The following CT55 variants were observed in gnomAD, a reference collection of about 807,000 sequenced individuals.
The protein encoded by CT55 is cancer/testis antigen 55, also known as BRCA2-interacting protein.
Under a neutral mutation model 12.6 loss-of-function variants are expected in CT55, and 1 was observed. The ratio of observed to expected loss-of-function variants is 0.08; its 90% CI spans 0.03 to 0.38. CT55 has a LOEUF of 0.38. CT55 is among the 10% of genes least tolerant of loss of function. The probability of loss-of-function intolerance (pLI) is 0.99; values close to 1 mark genes in which losing one functional copy is unlikely to be tolerated. For synonymous variants in CT55, 43 were observed against 49.7 expected, an observed-to-expected ratio of 0.87 and a Z score of 0.57; for missense variants, 109 against 135.4, an observed-to-expected ratio of 0.80 and a Z score of 0.97.
Position 135,171,126 on chromosome X carries a change from C to T in CT55, c.46G>A (p.Ala16Thr). The T allele has an allele frequency of 8.3e-7, 1 of 1,211,441 alleles. No individual in the cohort carries two copies. The highest frequency in any genetic ancestry group is 1.1e-6 in the Non-Finnish European group (1 of 895,383). Reference protein sequence around the residue: ...RLALAFYGRTADPAERQGPQQ... With the variant: ...RLALAFYGRTTDPAERQGPQQ... The stretch of plus-strand genomic sequence containing the variant: ...GGGCCCTGTCGCTCTGCAGGGTCGG[C>T]CGTCCTCCCGTAGAAGGCCAAAGCA... The change falls in exon 1 of 6, where the codon GCC becomes ACC. Residue 16 changes from alanine to threonine, a missense_variant. Transcript: ENST00000276241.
chrX:135,164,364 G>T (rs1453645647), intron 2 of CT55, among the ~76,000 whole-genome samples: 1 of 111,739 alleles, frequency 8.9e-6, no homozygotes, highest in East Asian at 2.8e-4. Flanking sequence ...AAAATAATCT[G>T]CCGTGATTAT....
At position 135,166,802 on chromosome X, in the gene CT55, C is replaced by T. The variant is rs78163385; in HGVS notation, c.279+2792G>A. Reference sequence around the variant, plus strand: ...TACAAGAATCAGTAGTATCTCTATACACCAATAGGGAACTATCTGGAAAAG... The same window carrying T: ...TACAAGAATCAGTAGTATCTCTATATACCAATAGGGAACTATCTGGAAAAG... On this transcript the variant is annotated intron_variant, in intron 2 of 5. Coordinates refer to ENST00000276241, the MANE Select transcript of CT55 (RefSeq NM_001031705.3). 2.5e-3 allele frequency among the ~76,000 whole-genome samples: 284 copies of T among 111,435 alleles called. 4 individuals carry two copies. In the East Asian group the frequency reaches 0.075, roughly 30 times the overall value.
intron 2 of CT55, among the ~76,000 whole-genome samples, chrX:135,168,788 T>C (rs1436774410): frequency 2.7e-5 from 3 of 111,875 alleles, no homozygotes; most frequent in Admixed American, 9.5e-5. Flanking sequence ...AGGAAAAAGA[T>C]GGTATCAGAC....
chrX:135,159,855 CA>C (rs2083554903), intron 3 of CT55, among the ~76,000 whole-genome samples: 1 of 110,627 alleles, frequency 9.0e-6, no homozygotes, highest in African/African-American at 3.3e-5. Flanking sequence ...ACAAAACAGA[CA>C]AAAAAATATC....
Position 135,160,491 on chromosome X carries a change from A to G in CT55, c.344T>C (p.Ile115Thr), listed in dbSNP as rs781995580. 3.3e-6 allele frequency: 4 copies of G among 1,199,962 alleles called. No individual in the cohort carries two copies. The highest frequency in any genetic ancestry group is 1.8e-5 in the African/African-American group (1 of 56,650). ...GPSDSGTRVL[I>T]GCVTSINEDN... The stretch of plus-strand genomic sequence containing the variant: ...TTCATTTATAGAAGTAACACATCCA[A>G]TTAAAACTCTGGTTCCTGAGTCTGA... Residue 115 changes from isoleucine (I) to threonine (T), a missense_variant, in exon 3 of 6, where the codon ATT (isoleucine) becomes ACT (threonine). Ile to Thr is a moderately conservative substitution (Grantham distance 89). Transcript: ENST00000276241.
chrX:135,163,628 TA>T (rs782231851), intron 2 of CT55, among the ~76,000 whole-genome samples: 111 of 110,066 alleles, frequency 1.0e-3, no homozygotes, highest in African/African-American at 3.4e-3. Context: ...GAAAAAGAGG[TA>T]AAAAGATCAT....
At position 135,171,354 on chromosome X, in the gene CT55, C is replaced by T. The variant is rs1556406815; in HGVS notation, c.-183G>A. 2 of 888,498 alleles carry T rather than the reference C, an allele frequency of 2.3e-6. No homozygotes were observed. The highest frequency in any genetic ancestry group is 3.0e-5 in the South Asian group (1 of 32,900). The allele number at this position is 888,498 out of a possible 1,213,427, so 73.2% of individuals were successfully genotyped here. A position where few individuals can be genotyped will look rare whatever the true frequency, so the allele number is the denominator to read the frequency against. ...CCCCTCAGGAGAGTCAGGGACACCG[C>T]AGCCTCCAAAGGAGCTCCCAGCTTC... On this transcript the variant is annotated 5_prime_UTR_variant, in exon 1 of 6. Transcript: ENST00000276241.
At chrX:135,171,615 T>A, upstream of CT55, among the ~76,000 whole-genome samples, 1 of 111,519 alleles carries the variant, frequency 9.0e-6, no homozygotes, top group Non-Finnish European at 1.9e-5. Flanking sequence ...TTCTCTTGGG[T>A]TCCCTGGGAG....
intron 2 of CT55, among the ~76,000 whole-genome samples, chrX:135,163,958 A>G (rs1395848103): frequency 9.0e-6 from 1 of 111,725 alleles, no homozygotes; most frequent in Non-Finnish European, 1.9e-5. Context: ...TGTACCCAGC[A>G]GTGAAGGGGA....
In CT55 at chrX:135,169,691, C is replaced by T; in HGVS notation, c.182G>A (p.Ser61Asn). 1 of 1,206,437 alleles carries T rather than the reference C, an allele frequency of 8.3e-7. No homozygotes were observed. The highest frequency in any genetic ancestry group is 1.1e-6 in the Non-Finnish European group (1 of 891,426). ...AGGCACGTTGCCAGTCACAACATCA[C>T]TACTGAAGTAGATCGACTCATCAAT... Reference protein sequence around the residue: ...GMIDESIYFSSDVVTGNVPLK... With the variant: ...GMIDESIYFSNDVVTGNVPLK... Residue 61 changes from serine (S) to asparagine (N), a missense_variant, in exon 2 of 6, where the codon AGT becomes AAT. Physicochemically the swap from Ser to Asn is conservative, Grantham distance 46. Coordinates refer to ENST00000276241, the MANE Select transcript of CT55 (RefSeq NM_001031705.3).
chrX:135,158,176 G>A (rs782318284), intron 4 of CT55, 23 bp downstream of exon 4: 23 of 1,007,332 alleles, frequency 2.3e-5, no homozygotes, highest in Admixed American at 6.7e-5. Context: ...AACTGCTGAC[G>A]GGAGCAACAG....
intron 2 of CT55, among the ~76,000 whole-genome samples, chrX:135,162,812 A>G (rs782594086): frequency 9.0e-6 from 1 of 110,633 alleles, no homozygotes; most frequent in Non-Finnish European, 1.9e-5. Flanking sequence ...AGCAAAACAA[A>G]CTCAATATCT....
rs1569482377 is a variant in CT55, at chrX:135,171,109, T to A, written c.63A>T (p.Arg21=). ...GGAGGCCCTGCTGCTGTGGGCCCTG[T>A]CGCTCTGCAGGGTCGGCCGTCCTCC... is the stretch of plus-strand genomic sequence containing the variant. ...FYGRTADPAE[R]QGPQQQGLPQ... is the part of the protein sequence containing the mutation. The change falls in exon 1 of 6, where the codon CGA becomes CGT. Residue 21 remains arginine (R), a synonymous_variant. Coordinates refer to ENST00000276241, the MANE Select transcript of CT55 (RefSeq NM_001031705.3). 8.3e-7 allele frequency: 1 copy of A among 1,211,805 alleles called. No homozygotes were observed. Among genetic ancestry groups the A allele is most frequent in the East Asian group, 3.0e-5 (1 of 33,844 alleles).
intron 2 of CT55, among the ~76,000 whole-genome samples, chrX:135,167,616 T>C (rs1421771343): frequency 9.2e-6 from 1 of 108,968 alleles, no homozygotes; most frequent in African/African-American, 3.3e-5. Context: ...TACATTGAAC[T>C]AAAAAGCTTC....
intron 1 of CT55, among the ~76,000 whole-genome samples, chrX:135,170,073 C>G (rs2083604475): frequency 8.9e-6 from 1 of 111,802 alleles, no homozygotes; most frequent in Admixed American, 9.4e-5. Flanking sequence ...GTGGCGCAAT[C>G]TGGGCTAGCG....
chrX:135,165,933 C>T (rs2083582073), intron 2 of CT55, among the ~76,000 whole-genome samples: 1 of 103,994 alleles, frequency 9.6e-6, no homozygotes, highest in African/African-American at 3.5e-5. Flanking sequence ...AATAAAAAAT[C>T]CCCCATCAGT....
chrX:135,168,080 C>T (rs2083593740), intron 2 of CT55, among the ~76,000 whole-genome samples: 2 of 111,978 alleles, frequency 1.8e-5, no homozygotes, highest in Admixed American at 1.9e-4. Context: ...ATCCATGAAT[C>T]CCACTACTGA....
intron 1 of CT55, 106 bp from the exon 2 acceptor site, chrX:135,169,884 AT>A: frequency 2.2e-6 from 1 of 446,038 alleles, no homozygotes; most frequent in Non-Finnish European, 3.5e-6. Flanking sequence ...GAGAAGTTTT[AT>A]AACGTCTCTG....
chrX:135,168,606 G>T (rs1271062835), intron 2 of CT55, among the ~76,000 whole-genome samples: 2 of 111,480 alleles, frequency 1.8e-5, no homozygotes, highest in East Asian at 2.8e-4. Flanking sequence ...GGGGGAGCAC[G>T]AAGAGCTTCC....
Sources: allele counts gnomAD v4.1 joint callset (sites outside exome capture counted in the v4.1 genomes callset), GRCh38; gene constraint gnomAD v4.1.1; transcripts MANE v1.5; gene names NCBI Gene and HGNC (gene_info 2026-07-23, HGNC 2026-07-21).